Variants in CSNK1G3 observed in about 807,000 individuals in gnomAD.
CSNK1G3 encodes the protein casein kinase 1 gamma 3.
A neutral mutation model predicts 64.3 loss-of-function variants in CSNK1G3; 23 were observed. The observed-to-expected ratio is 0.36, with a 90% CI of 0.26 to 0.51. CSNK1G3 has a LOEUF of 0.51. CSNK1G3 is among the 20% of genes least tolerant of loss of function. CSNK1G3 has a pLI of 0.96. For missense variants in CSNK1G3, 357 were observed against 510.5 expected, an observed-to-expected ratio of 0.70 and a Z score of 2.90; for synonymous variants, 158 against 162.2, an observed-to-expected ratio of 0.97 and a Z score of 0.20.
At chr5:123,558,725 C>T (rs901571430) in intron 4 of CSNK1G3, among the ~76,000 whole-genome samples, 1 of 152,102 alleles carries the variant, frequency 6.6e-6, no homozygotes, top group African/African-American at 2.4e-5. Context: ...AGGGAGTTAT[C>T]AAAATTATCA....
intron 6 of CSNK1G3, among the ~76,000 whole-genome samples, chr5:123,578,606 A>G (rs1230667203): frequency 2.6e-5 from 4 of 151,882 alleles, no homozygotes; most frequent in Non-Finnish European, 4.4e-5. Context: ...ACTGTTAAAT[A>G]TTTTTGAAGT....
chr5:123,610,729 A>ATT (rs1796180117), intron 12 of CSNK1G3, among the ~76,000 whole-genome samples: 1 of 152,152 alleles, frequency 6.6e-6, no homozygotes. Flanking sequence ...GTAGCTTCAC[A>ATT]TTTTGAGAGG....
intron 1 of CSNK1G3, among the ~76,000 whole-genome samples, chr5:123,523,425 G>GT (rs994941650): frequency 5.9e-5 from 9 of 152,178 alleles, no homozygotes; most frequent in African/African-American, 1.7e-4. Context: ...CAGTTACAGT[G>GT]TTTTTTTCTG....
chr5:123,562,515 A>G (rs746163431), intron 4 of CSNK1G3, among the ~76,000 whole-genome samples: 1 of 152,090 alleles, frequency 6.6e-6, no homozygotes, highest in Admixed American at 6.6e-5. Context: ...GTTGGGATGT[A>G]TAATCTTCAA....
intron 10 of CSNK1G3, among the ~76,000 whole-genome samples, chr5:123,592,465 C>CT (rs992511266): frequency 4.6e-5 from 7 of 150,900 alleles, no homozygotes; most frequent in East Asian, 1.9e-4. Context: ...CTCTCTTTCT[C>CT]TTTTTTTTGG....
At chr5:123,525,927 G>A (rs1406431190) in intron 1 of CSNK1G3, among the ~76,000 whole-genome samples, 2 of 151,558 alleles carry the variant, frequency 1.3e-5, no homozygotes, top group Non-Finnish European at 2.9e-5. Context: ...GAACCTGGGA[G>A]GCGGAGCTTG....
At chr5:123,545,726 A>C (rs1436253593) in exon 2 of CSNK1G3, 1 of 1,613,562 alleles carries the variant, frequency 6.2e-7, no homozygotes, top group East Asian at 2.2e-5. Context: ...CTAGTGGTCG[A>C]TCGGGACACA....
chr5:123,523,889 G>T (rs1475899152), intron 1 of CSNK1G3, among the ~76,000 whole-genome samples: 2 of 152,138 alleles, frequency 1.3e-5, no homozygotes, highest in African/African-American at 4.8e-5. Flanking sequence ...TGATTATAGT[G>T]TGCTGTCCTA....
intron 4 of CSNK1G3, among the ~76,000 whole-genome samples, chr5:123,564,499 A>T (rs1786440244): frequency 6.6e-6 from 1 of 152,096 alleles, no homozygotes; most frequent in African/African-American, 2.4e-5. Context: ...ATGCATTGTA[A>T]GAAGAAAAGA....
chr5:123,600,606 C>T (rs1794296974), intron 10 of CSNK1G3, among the ~76,000 whole-genome samples: 1 of 148,980 alleles, frequency 6.7e-6, no homozygotes, highest in Non-Finnish European at 1.5e-5. Context: ...GCCTGGGTGA[C>T]CGAATAAGAT....
At chr5:123,544,019 C>T (rs1782120567) in intron 1 of CSNK1G3, among the ~76,000 whole-genome samples, 1 of 152,016 alleles carries the variant, frequency 6.6e-6, no homozygotes, top group Non-Finnish European at 1.5e-5. Context: ...CTTCACAGTC[C>T]AGGACACATA....
exon 6 of CSNK1G3, chr5:123,575,784 C>T (rs192310073): frequency 6.2e-7 from 1 of 1,613,494 alleles, no homozygotes; most frequent in Admixed American, 1.7e-5. Context: ...GATGTAAAAC[C>T]TGAGAACTTC....
At chr5:123,613,188 C>A (rs906959730) in intron 12 of CSNK1G3, among the ~76,000 whole-genome samples, 3 of 140,128 alleles carry the variant, frequency 2.1e-5, no homozygotes, top group African/African-American at 7.8e-5. Flanking sequence ...TAATTTTTTT[C>A]TTTTTTTTTT....
chr5:123,530,133 A>G (rs1000145525), intron 1 of CSNK1G3, among the ~76,000 whole-genome samples: 8 of 151,936 alleles, frequency 5.3e-5, no homozygotes, highest in Admixed American at 2.0e-4. Flanking sequence ...CCTTCCAACT[A>G]TTGAGACATA....
intron 2 of CSNK1G3, 42 bp downstream of exon 2, chr5:123,545,883 A>G (rs765667569): frequency 2.1e-6 from 3 of 1,446,198 alleles, no homozygotes; most frequent in Non-Finnish European, 1.9e-6. Context: ...GAAACATTTT[A>G]AAAATTGGAA....
chr5:123,559,173 T>G (rs555371801), intron 4 of CSNK1G3, among the ~76,000 whole-genome samples: 2 of 152,198 alleles, frequency 1.3e-5, no homozygotes, highest in South Asian at 4.1e-4. Context: ...TTATCCGAAC[T>G]TTAGAGACTG....
intron 5 of CSNK1G3, among the ~76,000 whole-genome samples, chr5:123,575,518 T>G (rs1788995258): frequency 6.6e-6 from 1 of 152,212 alleles, no homozygotes. Context: ...ATACTCTCGT[T>G]TAGCAGTGAC....
At chr5:123,540,882 G>T (rs1053727462) in intron 1 of CSNK1G3, among the ~76,000 whole-genome samples, 5 of 152,074 alleles carry the variant, frequency 3.3e-5, no homozygotes, top group African/African-American at 1.2e-4. Flanking sequence ...ACCCACCTTG[G>T]CCTCCCAATG....
intron 6 of CSNK1G3, among the ~76,000 whole-genome samples, chr5:123,583,401 C>T (rs538388460): frequency 6.0e-5 from 9 of 149,068 alleles, no homozygotes; most frequent in South Asian, 4.2e-4. Flanking sequence ...GCTCTTGTTG[C>T]GCAGGCTGGA....
Sources: gnomAD v4.1 joint callset for allele counts (sites outside exome capture counted in the v4.1 genomes callset) on GRCh38, gnomAD v4.1.1 for gene constraint, MANE v1.5 for transcripts, NCBI Gene and HGNC (gene_info 2026-07-23, HGNC 2026-07-21) for gene names.